Variants in BRIP1 observed in about 807,000 individuals in gnomAD.
BRIP1 encodes the protein Fanconi anemia group J protein.
A neutral mutation model predicts 119.7 loss-of-function variants in BRIP1; 88 were observed. That is an observed-to-expected ratio of 0.74 (90% CI 0.62 to 0.88). The LOEUF (loss-of-function observed/expected upper bound fraction) is 0.88, where lower values mean the gene tolerates loss of function less well. Among genes scored for constraint, BRIP1 ranks in the 40% least tolerant of loss-of-function variants. BRIP1 has a pLI of 0.00. For synonymous variants in BRIP1, 443 were observed against 496.5 expected, an observed-to-expected ratio of 0.89 and a Z score of 1.43; for missense variants, 1,259 against 1,455.4, an observed-to-expected ratio of 0.87 and a Z score of 2.20.
intron 8 of BRIP1, among the ~76,000 whole-genome samples, chr17:61,800,484 A>G (rs1199210893): frequency 6.6e-6 from 1 of 152,206 alleles, no homozygotes; most frequent in Admixed American, 6.6e-5. Context: ...GAAGGATTCA[A>G]ATTGGGCAGA....
At position 61,761,230 on chromosome 17, in the gene BRIP1, A is replaced by G. The variant is rs1040299368; in HGVS notation, c.2097+15171T>C. On this transcript the variant is annotated intron_variant, in intron 14 of 19. Coordinates refer to ENST00000259008, the MANE Select transcript of BRIP1 (RefSeq NM_032043.3). This position sits in a 1 kb window ranked among gnomAD's most constrained non-coding sequence, Gnocchi z 6.4. Reference sequence around the variant, plus strand: ...CTTTCCTGAGAAAAACTTTTACTAAATTAGGTATAGAAGAAATGTACTGCA... The same window carrying G: ...CTTTCCTGAGAAAAACTTTTACTAAGTTAGGTATAGAAGAAATGTACTGCA... 1.3e-5 allele frequency among the ~76,000 whole-genome samples: 2 copies of G among 152,036 alleles called. No homozygotes were observed. Among genetic ancestry groups the G allele is most frequent in the African/African-American group, 4.8e-5 (2 of 41,452 alleles).
chr17:61,794,917 T>G lies in BRIP1; in HGVS notation c.1341-1188A>C, dbSNP rs1250735872. Among the ~76,000 whole-genome samples, 1 of 151,784 alleles carries G rather than the reference T, an allele frequency of 6.6e-6. No individual in the cohort carries two copies. Among genetic ancestry groups the G allele is most frequent in the African/African-American group, 2.4e-5 (1 of 41,328 alleles). On this transcript the variant is annotated intron_variant, in intron 9 of 19. Coordinates refer to ENST00000259008, the MANE Select transcript of BRIP1 (RefSeq NM_032043.3). The surrounding 1 kb of genome is among the most constrained non-coding windows in gnomAD (Gnocchi z 4.3). The stretch of plus-strand genomic sequence containing the variant: ...GAAGGAACAGCTAGGAGAAAGGTCC[T>G]GAGGTGGTTAGCAAATTTTGCTTGT...
At chr17:61,800,726 T>C (rs750782629) in intron 8 of BRIP1, among the ~76,000 whole-genome samples, 14 of 151,692 alleles carry the variant, frequency 9.2e-5, no homozygotes, top group Non-Finnish European at 1.6e-4. Context: ...GCCTATTAAT[T>C]TGGATCTTAA....
chr17:61,840,355 CAAAAA>C (rs11334899), intron 6 of BRIP1, among the ~76,000 whole-genome samples: 1 of 105,062 alleles, frequency 9.5e-6, no homozygotes. Context: ...GACTCCGTCT[CAAAAA>C]AAAAAAAAAA....
rs1432405242 is a variant in BRIP1, at chr17:61,834,013, A to T, written c.627+13088T>A. 3.3e-5 allele frequency among the ~76,000 whole-genome samples: 5 copies of T among 152,224 alleles called. No homozygotes were observed. Among genetic ancestry groups the T allele is most frequent in the Non-Finnish European group, 7.3e-5 (5 of 68,028 alleles). ...TTATAACGCAAAAGTTCCACAGACAATATGTATAAACAAATGTAAAATGCG... is the reference window on the plus strand; with the variant it reads ...TTATAACGCAAAAGTTCCACAGACATTATGTATAAACAAATGTAAAATGCG... On this transcript the variant is annotated intron_variant, in intron 6 of 19. Coordinates refer to ENST00000259008, the MANE Select transcript of BRIP1 (RefSeq NM_032043.3). The surrounding 1 kb of genome is among the most constrained non-coding windows in gnomAD (Gnocchi z 4.4).
In BRIP1 at chr17:61,742,939, G is replaced by T. The variant is rs2144673014; in HGVS notation, c.2379+74C>A. 6.4e-7 allele frequency: 1 copy of T among 1,567,840 alleles called. No homozygotes were observed. Among genetic ancestry groups the T allele is most frequent in the South Asian group, 1.1e-5 (1 of 89,368 alleles). On this transcript the variant is annotated intron_variant, in intron 16 of 19. Transcript: ENST00000259008. This position sits in a 1 kb window ranked among gnomAD's most constrained non-coding sequence, Gnocchi z 4.7. ...ATAAAAGCAAAGCGCAATAAAATGA[G>T]GGATCCCTGCAATTAACTTTATACA... is the stretch of plus-strand genomic sequence containing the variant.
rs1406073227 is a variant in BRIP1, at chr17:61,759,543, T to C, written c.2098-14952A>G. Among the ~76,000 whole-genome samples the C allele has an allele frequency of 1.3e-5, 2 of 152,086 alleles. No individual in the cohort carries two copies. The highest frequency in any genetic ancestry group is 3.8e-4 in the East Asian group (2 of 5,204). On this transcript the variant is annotated intron_variant, in intron 14 of 19. Transcript: ENST00000259008. This position sits in a 1 kb window ranked among gnomAD's most constrained non-coding sequence, Gnocchi z 4.9. ...CAGACAGAAAATATATTTAAAAACA[T>C]TGGACTTGAATAAATTTAGACCAAA... is the stretch of plus-strand genomic sequence containing the variant.
In BRIP1 at chr17:61,706,732, C is replaced by G. The variant is rs149324821; in HGVS notation, c.2492+9219G>C. ...ATTAACAACTGAGTCACATAGTGCA[C>G]TATAATTAGATTTCCTTTATTGTAC... is the stretch of plus-strand genomic sequence containing the variant. On this transcript the variant is annotated intron_variant, in intron 17 of 19. Transcript: ENST00000259008. This position sits in a 1 kb window ranked among gnomAD's most constrained non-coding sequence, Gnocchi z 5.7. 3.5e-4 allele frequency among the ~76,000 whole-genome samples: 54 copies of G among 152,330 alleles called. No homozygotes were observed. The highest frequency in any genetic ancestry group is 6.8e-4 in the Non-Finnish European group (46 of 68,020).
At position 61,709,787 on chromosome 17, in the gene BRIP1, C is replaced by T. The variant is rs1473617225; in HGVS notation, c.2492+6164G>A. Among the ~76,000 whole-genome samples, 1 of 152,154 alleles carries T rather than the reference C, an allele frequency of 6.6e-6. No individual in the cohort carries two copies. Among genetic ancestry groups the T allele is most frequent in the Non-Finnish European group, 1.5e-5 (1 of 68,032 alleles). On this transcript the variant is annotated intron_variant, in intron 17 of 19. Transcript: ENST00000259008. The surrounding 1 kb of genome is among the most constrained non-coding windows in gnomAD (Gnocchi z 5.0). ...AGAAAACTCATAGTGCAGTTGTAAC[C>T]TGGTTGCAAAACCATCTTGTATGTT... is the stretch of plus-strand genomic sequence containing the variant.
rs374757806 is a variant in BRIP1 at position 61,780,212 on chromosome 17, T to C, written c.1935+49A>G. On this transcript the variant is annotated intron_variant, in intron 13 of 19. Coordinates refer to ENST00000259008, the MANE Select transcript of BRIP1 (RefSeq NM_032043.3). The surrounding 1 kb of genome is among the most constrained non-coding windows in gnomAD (Gnocchi z 5.4). Reference sequence around the variant, plus strand: ...CTTCTAACTTGTTTACATAGTTATATTGAAGTAGAAACACTGAAGGCCTTC... The same window carrying C: ...CTTCTAACTTGTTTACATAGTTATACTGAAGTAGAAACACTGAAGGCCTTC... The C allele has an allele frequency of 2.4e-5, 38 of 1,560,736 alleles. No individual in the cohort carries two copies. The African/African-American group carries it at 3.9e-4, about 16-fold the overall frequency.
chr17:61,707,568 TCTTTCCTG>T (rs1305872232), intron 17 of BRIP1, among the ~76,000 whole-genome samples: 1 of 152,186 alleles, frequency 6.6e-6, no homozygotes, highest in African/African-American at 2.4e-5. Context: ...TTCTAGTTCT[TCTTTCCTG>T]CTTTCTCTTT....
chr17:61,799,347 TAAC>T lies in BRIP1; in HGVS notation c.1141-51_1141-49del, dbSNP rs773984729. The T allele has an allele frequency of 6.6e-5, 94 of 1,418,358 alleles. No individual in the cohort carries two copies. Among genetic ancestry groups the T allele is most frequent in the Admixed American group, 2.1e-4 (12 of 56,946 alleles). 87.9% of individuals were successfully genotyped at this position (1,418,358 alleles called of 1,614,324 possible). A position where few individuals can be genotyped will look rare whatever the true frequency, so the allele number is the denominator to read the frequency against. On this transcript the variant is annotated intron_variant, in intron 8 of 19. Coordinates refer to ENST00000259008, the MANE Select transcript of BRIP1 (RefSeq NM_032043.3). This position sits in a 1 kb window ranked among gnomAD's most constrained non-coding sequence, Gnocchi z 5.1. ...TGTAAAACATTTGGCAAAATAGATT[TAAC>T]AACAGCAGGCAAGATATTTCATTTT...
At chr17:61,697,039 T>G (rs1044803924) in intron 17 of BRIP1, among the ~76,000 whole-genome samples, 1 of 149,726 alleles carries the variant, frequency 6.7e-6, no homozygotes, top group African/African-American at 2.5e-5. Flanking sequence ...AATTCTATCT[T>G]TACTTGTTAT....
chr17:61,703,600 G>T lies in BRIP1; in HGVS notation c.2493-10088C>A, dbSNP rs2061649462. Reference sequence around the variant, plus strand: ...GCATTCTGTGGTTTGTCTTTACTCTGCTGATAGTTTCTTTTGCTGTGCAGA... The same window carrying T: ...GCATTCTGTGGTTTGTCTTTACTCTTCTGATAGTTTCTTTTGCTGTGCAGA... On this transcript the variant is annotated intron_variant, in intron 17 of 19. Transcript: ENST00000259008. The surrounding 1 kb of genome is among the most constrained non-coding windows in gnomAD (Gnocchi z 5.0). 1.3e-5 allele frequency among the ~76,000 whole-genome samples: 2 copies of T among 152,184 alleles called. No homozygotes were observed. Among genetic ancestry groups the T allele is most frequent in the Non-Finnish European group, 2.9e-5 (2 of 68,016 alleles).
rs1567772841 is a variant in BRIP1 at position 61,735,260 on chromosome 17, G to A, written c.2379+7753C>T. Among the ~76,000 whole-genome samples, 1 of 152,022 alleles carries A rather than the reference G, an allele frequency of 6.6e-6. No individual in the cohort carries two copies. Among genetic ancestry groups the A allele is most frequent in the Non-Finnish European group, 1.5e-5 (1 of 68,018 alleles). On this transcript the variant is annotated intron_variant, in intron 16 of 19. Coordinates refer to ENST00000259008, the MANE Select transcript of BRIP1 (RefSeq NM_032043.3). The surrounding 1 kb of genome is among the most constrained non-coding windows in gnomAD (Gnocchi z 4.4). Reference sequence around the variant, plus strand: ...CCAACAGAATATGGAAAGGGTTCTGGGATAGTCACTCTTAATTAGGTTATA... The same window carrying A: ...CCAACAGAATATGGAAAGGGTTCTGAGATAGTCACTCTTAATTAGGTTATA...
intron 17 of BRIP1, among the ~76,000 whole-genome samples, chr17:61,697,327 A>T: frequency 9.5e-6 from 1 of 104,874 alleles, no homozygotes; most frequent in Non-Finnish European, 1.7e-5. Flanking sequence ...ACAGTGTGAG[A>T]CTCTGTCTCA....
intron 10 of BRIP1, among the ~76,000 whole-genome samples, chr17:61,788,038 A>G (rs2077760281): frequency 6.6e-6 from 1 of 152,194 alleles, no homozygotes; most frequent in African/African-American, 2.4e-5. Context: ...GAAAGAAATG[A>G]GAAAGAAAGA....
Position 61,768,800 on chromosome 17 carries a change from G to T in BRIP1, c.2097+7601C>A, listed in dbSNP as rs1467918316. On this transcript the variant is annotated intron_variant, in intron 14 of 19. Transcript: ENST00000259008. The surrounding 1 kb of genome is among the most constrained non-coding windows in gnomAD (Gnocchi z 5.0). Reference sequence around the variant, plus strand: ...TGTAGTAAAGATGAGGGGATTTTATGAACGTAATTAAGGTCTACCTCAATT... The same window carrying T: ...TGTAGTAAAGATGAGGGGATTTTATTAACGTAATTAAGGTCTACCTCAATT... 2.0e-5 allele frequency among the ~76,000 whole-genome samples: 3 copies of T among 152,126 alleles called. No individual in the cohort carries two copies. Among genetic ancestry groups the T allele is most frequent in the African/African-American group, 7.2e-5 (3 of 41,436 alleles).
Position 61,808,746 on chromosome 17 carries a change from G to A in BRIP1, c.639C>T (p.His213=), listed in dbSNP as rs2145423345. 6.2e-7 allele frequency: 1 copy of A among 1,612,876 alleles called. No individual in the cohort carries two copies. The highest frequency in any genetic ancestry group is 8.5e-7 in the Non-Finnish European group (1 of 1,179,884). Residue 213 remains histidine, a synonymous_variant, in exon 7 of 20, where the codon CAC becomes CAT. Transcript: ENST00000259008. The surrounding 1 kb of genome is among the most constrained non-coding windows in gnomAD (Gnocchi z 4.1). ...TAGTAGAACAACAGCACCTAGAACA[G>A]TGGCCAGGGGGCTGTAAGAAAGGAA... ...NSFSPQKPPG[H]CSRCCCSTKQ... is the part of the protein sequence containing the mutation.
Sources: gnomAD v4.1 joint callset for allele counts (sites outside exome capture counted in the v4.1 genomes callset) on GRCh38, gnomAD v4.1.1 for gene constraint, Gnocchi (gnomAD v3.1) non-coding constraint, MANE v1.5 for transcripts, NCBI Gene and HGNC (gene_info 2026-07-23, HGNC 2026-07-21) for gene names.